TDRD7: variants seen among roughly 807,000 people sequenced by gnomAD.
The protein encoded by TDRD7 is tudor domain-containing protein 7.
A neutral mutation model predicts 109.8 loss-of-function variants in TDRD7; 47 were observed. That is an observed-to-expected ratio of 0.43 (90% CI 0.34 to 0.55). The LOEUF is 0.55. TDRD7 is among the 20% of genes least tolerant of loss of function. The probability of loss-of-function intolerance (pLI) is 0.03; values close to 1 mark genes in which losing one functional copy is unlikely to be tolerated. For synonymous variants in TDRD7, 424 were observed against 457.3 expected, an observed-to-expected ratio of 0.93 and a Z score of 0.93; for missense variants, 1,164 against 1,319.2, an observed-to-expected ratio of 0.88 and a Z score of 1.82.
intron 4 of TDRD7, among the ~76,000 whole-genome samples, chr9:97,435,496 C>G (rs141964341): frequency 6.7e-6 from 1 of 149,400 alleles, no homozygotes; most frequent in South Asian, 2.1e-4. Flanking sequence ...ATTACCTGGA[C>G]ATGGTGGTGT....
At chr9:97,476,271 G>A (rs951359308) in intron 12 of TDRD7, among the ~76,000 whole-genome samples, 3 of 152,236 alleles carry the variant, frequency 2.0e-5, no homozygotes, top group Admixed American at 2.0e-4. Flanking sequence ...TGGCTTTAAA[G>A]TTCACATACT....
chr9:97,446,543 TTA>T (rs1828404390), intron 6 of TDRD7, among the ~76,000 whole-genome samples: 1 of 152,244 alleles, frequency 6.6e-6, no homozygotes, highest in Admixed American at 6.5e-5. Context: ...TCTGGTTTTA[TTA>T]TATATCATTT....
At chr9:97,421,654 C>G (rs1326796498) in intron 1 of TDRD7, among the ~76,000 whole-genome samples, 1 of 151,964 alleles carries the variant, frequency 6.6e-6, no homozygotes, top group African/African-American at 2.4e-5. Flanking sequence ...ACTGCAGCCT[C>G]TCAGGTAGCT....
chr9:97,457,428 G>T (rs1320384988), intron 6 of TDRD7, among the ~76,000 whole-genome samples: 9 of 151,978 alleles, frequency 5.9e-5, no homozygotes, highest in African/African-American at 2.2e-4. Flanking sequence ...ACCTGGGCTG[G>T]CGTGCAATGG....
rs764164012 is a variant in TDRD7, at chr9:97,482,923, T to C, written c.2487T>C (p.His829=). 2.5e-5 allele frequency: 40 copies of C among 1,614,082 alleles called. No individual in the cohort carries two copies. Among genetic ancestry groups the C allele is most frequent in the Non-Finnish European group, 3.0e-5 (35 of 1,180,036 alleles). Reference sequence around the variant, plus strand: ...CCCCTAAGAACTTCCCTGACCCTCATCGCAGTATTAATCGCCAGATTACAA... The same window carrying C: ...CCCCTAAGAACTTCCCTGACCCTCACCGCAGTATTAATCGCCAGATTACAA... ...LFTPKNFPDP[H]RSINRQITNA... The change falls in exon 15 of 17, where the codon CAT becomes CAC. Residue 829 remains histidine, a synonymous_variant. Transcript: ENST00000355295.
At chr9:97,489,554 T>A (rs977681519) in intron 16 of TDRD7, among the ~76,000 whole-genome samples, 6 of 152,238 alleles carry the variant, frequency 3.9e-5, no homozygotes, top group African/African-American at 1.4e-4. Flanking sequence ...AAAGTGGTCT[T>A]GTAGATAATA....
intron 14 of TDRD7, among the ~76,000 whole-genome samples, chr9:97,482,017 A>G (rs756888388): frequency 2.0e-5 from 3 of 152,170 alleles, no homozygotes; most frequent in Non-Finnish European, 2.9e-5. Flanking sequence ...GGCTGGAAGT[A>G]TCTTATTTTT....
chr9:97,432,175 T>G lies in TDRD7; in HGVS notation c.500T>G (p.Leu167Arg). Reference protein sequence around the residue: ...EMSPYMLHTTLGNEAFKDIPV... With the variant: ...EMSPYMLHTTRGNEAFKDIPV... ...TCTCCTTATATGCTACACACAACTC[T>G]TGGAAATGAAGCATTCAAAGACATT... is the stretch of plus-strand genomic sequence containing the variant. The change falls in exon 4 of 17, where the codon CTT becomes CGT. Residue 167 changes from leucine to arginine, a missense_variant. By Grantham distance (102) the Leu-to-Arg change is moderately radical. Around this residue, in one of 5 missense-constraint regions of TDRD7, gnomAD observed 407 missense variants for 394.0 expected, o/e 1.03. Coordinates refer to ENST00000355295, the MANE Select transcript of TDRD7 (RefSeq NM_014290.3). 1.2e-6 allele frequency: 2 copies of G among 1,613,838 alleles called. No individual in the cohort carries two copies. Among genetic ancestry groups the G allele is most frequent in the Non-Finnish European group, 1.7e-6 (2 of 1,179,784 alleles).
In TDRD7 at chr9:97,487,190, A is replaced by G. The variant is rs752232062; in HGVS notation, c.2934A>G (p.Leu978=). 1 of 1,613,978 alleles carries G rather than the reference A, an allele frequency of 6.2e-7. No homozygotes were observed. Among genetic ancestry groups the G allele is most frequent in the Non-Finnish European group, 8.5e-7 (1 of 1,179,882 alleles). ...KVENKWHRVL[L]KGILTNGLVS... ...CATCTAGGTGGCACAGGGTGCTTTT[A>G]AAAGGAATCCTGACCAATGGACTGG... The change falls in exon 16 of 17, where the codon TTA becomes TTG. Residue 978 remains leucine, a synonymous_variant. Coordinates refer to ENST00000355295, the MANE Select transcript of TDRD7 (RefSeq NM_014290.3).
At chr9:97,479,331 AT>A (rs1429570776) in intron 13 of TDRD7, among the ~76,000 whole-genome samples, 3 of 152,030 alleles carry the variant, frequency 2.0e-5, no homozygotes, top group African/African-American at 7.3e-5. Context: ...TTTCAAAATC[AT>A]TTTTACTGTC....
chr9:97,436,579 A>AGCT (rs1186693513), intron 4 of TDRD7, among the ~76,000 whole-genome samples: 5 of 152,158 alleles, frequency 3.3e-5, no homozygotes, highest in African/African-American at 1.2e-4. Context: ...GCATGCTTAT[A>AGCT]GCTATCGATC....
chr9:97,472,429 T>A lies in TDRD7; in HGVS notation c.1878T>A (p.Asp626Glu). 3 of 1,613,990 alleles carry A rather than the reference T, an allele frequency of 1.9e-6. No homozygotes were observed. Among genetic ancestry groups the A allele is most frequent in the Non-Finnish European group, 2.5e-6 (3 of 1,179,908 alleles). Residue 626 changes from aspartate to glutamate, a missense_variant, in exon 10 of 17, where the codon GAT becomes GAA. Asp to Glu is a conservative substitution (Grantham distance 45). This residue lies in a region of TDRD7 where 261 missense variants were observed against 336.2 expected (regional missense o/e 0.78). Transcript: ENST00000355295. ...LVVLYDTSGEDDININATCLK... is the reference protein window; with the variant it reads ...LVVLYDTSGEEDININATCLK... Reference sequence around the variant, plus strand: ...TTCTGTACGATACCTCAGGAGAAGATGATATCAATATCAATGCCACCTGCT... The same window carrying A: ...TTCTGTACGATACCTCAGGAGAAGAAGATATCAATATCAATGCCACCTGCT...
rs1421677320 is a variant in TDRD7, at chr9:97,483,049, C to T, written c.2613C>T (p.Gly871=). 1 of 1,614,138 alleles carries T rather than the reference C, an allele frequency of 6.2e-7. No homozygotes were observed. The change falls in exon 15 of 17, where the codon GGC becomes GGT. Residue 871 remains glycine (G), a synonymous_variant. Transcript: ENST00000355295. ...NSKNGNMPMS[G]NTGENFRKNL... Reference sequence around the variant, plus strand: ...AAAATGGCAACATGCCCATGTCGGGCAACACTGGAGAGAATTTCAGAAAGA... The same window carrying T: ...AAAATGGCAACATGCCCATGTCGGGTAACACTGGAGAGAATTTCAGAAAGA...
At chr9:97,460,803 C>T (rs965642123) in intron 7 of TDRD7, 39 bp downstream of exon 7, 1 of 1,558,734 alleles carries the variant, frequency 6.4e-7, no homozygotes, top group African/African-American at 1.4e-5. Context: ...TTCTGATATA[C>T]TTTTGTCACT....
intron 4 of TDRD7, among the ~76,000 whole-genome samples, chr9:97,438,622 A>G (rs1444137375): frequency 6.6e-6 from 1 of 152,184 alleles, no homozygotes; most frequent in Non-Finnish European, 1.5e-5. Context: ...ATATTTGGAA[A>G]AATCTTCCTA....
rs1001161400 is a variant in TDRD7, at chr9:97,464,719, T to C, written c.1443-123T>C. 5 of 960,910 alleles carry C rather than the reference T, an allele frequency of 5.2e-6. No homozygotes were observed. In the African/African-American group the frequency reaches 6.5e-5, roughly 12 times the overall value. The allele number at this position is 960,910 out of a possible 1,614,324, so 59.5% of individuals were successfully genotyped here. A position where few individuals can be genotyped will look rare whatever the true frequency, so the allele number is the denominator to read the frequency against. On this transcript the variant is annotated intron_variant, in intron 7 of 16. Coordinates refer to ENST00000355295, the MANE Select transcript of TDRD7 (RefSeq NM_014290.3). ...ATACACGTTCTCCTCCCTGTTGATA[T>C]AAGCAAGTCTGAGACTGGAACCAAA... is the stretch of plus-strand genomic sequence containing the variant.
At position 97,460,334 on chromosome 9, in the gene TDRD7, G is replaced by C; in HGVS notation, c.1012G>C (p.Ala338Pro). 3 of 1,614,188 alleles carry C rather than the reference G, an allele frequency of 1.9e-6. No homozygotes were observed. The highest frequency in any genetic ancestry group is 2.5e-6 in the Non-Finnish European group (3 of 1,180,030). The change falls in exon 7 of 17, where the codon GCA (alanine) becomes CCA (proline). Residue 338 changes from alanine (A) to proline (P), a missense_variant. Physicochemically the swap from Ala to Pro is conservative, Grantham distance 27. Coordinates refer to ENST00000355295, the MANE Select transcript of TDRD7 (RefSeq NM_014290.3). The stretch of plus-strand genomic sequence containing the variant: ...GTTGAAAGGGTGTCCAACAGTTATG[G>C]CAGGAGACTTTAAAGAAAAAGTGGC... ...PPLKGCPTVM[A>P]GDFKEKVADL... is the part of the protein sequence containing the mutation.
intron 6 of TDRD7, among the ~76,000 whole-genome samples, chr9:97,457,382 A>G (rs2118469038): frequency 6.6e-6 from 1 of 151,928 alleles, no homozygotes; most frequent in South Asian, 2.1e-4. Flanking sequence ...ACAAATATAT[A>G]TATATTTTTT....
chr9:97,465,731 C>T (rs1224530681), intron 8 of TDRD7, among the ~76,000 whole-genome samples: 1 of 152,000 alleles, frequency 6.6e-6, no homozygotes, highest in East Asian at 1.9e-4. Flanking sequence ...TAATGTGTTA[C>T]TTCTTTCTAT....
Sources: allele counts gnomAD v4.1 joint callset (sites outside exome capture counted in the v4.1 genomes callset), GRCh38; gene constraint gnomAD v4.1.1; regional missense constraint gnomAD v4.1.1; transcripts MANE v1.5; gene names NCBI Gene and HGNC (gene_info 2026-07-23, HGNC 2026-07-21).